The following FHIT variants were observed in gnomAD, a reference collection of about 807,000 sequenced individuals.
FHIT encodes the protein bis(5'-adenosyl)-triphosphatase.
Under a neutral mutation model 17.9 loss-of-function variants are expected in FHIT, and 19 were observed. That is an observed-to-expected ratio of 1.06 (90% CI 0.74 to 1.56). The LOEUF is 1.56. FHIT is among the 40% of genes most tolerant of loss of function. The probability of loss-of-function intolerance (pLI) is 0.00; values close to 1 mark genes in which losing one functional copy is unlikely to be tolerated. For synonymous variants in FHIT, 81 were observed against 69.7 expected (o/e 1.16, Z -0.81); for missense variants, 248 against 189.2 (o/e 1.31, Z -1.82).
chr3:59,972,647 G>A (rs1334252355), intron 7 of FHIT, among the ~76,000 whole-genome samples: 1 of 152,068 alleles, frequency 6.6e-6, no homozygotes, highest in Non-Finnish European at 1.5e-5. Flanking sequence ...CAAGTCCTAT[G>A]AGTTCACAGC....
At chr3:60,045,367 A>T (rs1016730670) in intron 5 of FHIT, among the ~76,000 whole-genome samples, 1 of 152,084 alleles carries the variant, frequency 6.6e-6, no homozygotes, top group Non-Finnish European at 1.5e-5. Context: ...GGAGCAAGTC[A>T]CTTCTTACAT....
chr3:60,652,616 C>T (rs972883677), intron 4 of FHIT, among the ~76,000 whole-genome samples: 2 of 150,562 alleles, frequency 1.3e-5, no homozygotes, highest in Non-Finnish European at 2.9e-5. Flanking sequence ...GTAGTCTCAG[C>T]TACTTGGGAG....
intron 5 of FHIT, among the ~76,000 whole-genome samples, chr3:60,492,361 A>G (rs148763602): frequency 6.6e-6 from 1 of 152,352 alleles, no homozygotes; most frequent in Admixed American, 6.5e-5. Context: ...ATTTAAAATT[A>G]CACTCATCCT....
chr3:59,982,821 T>C (rs1264522571), intron 7 of FHIT, among the ~76,000 whole-genome samples: 2 of 152,152 alleles, frequency 1.3e-5, no homozygotes, highest in Non-Finnish European at 2.9e-5. Context: ...GGAACTGGGA[T>C]TCTGAGACAT....
rs566147282 is a variant in FHIT, at chr3:60,777,059, G to T, written c.-18+44860C>A. ...TGCTCTTTGGCAAAATTTGTAAAGG[G>T]TTATAAAAGGTTTTCGCTTCTTCAA... On this transcript the variant is annotated intron_variant, in intron 4 of 9. Transcript: ENST00000492590. Among the ~76,000 whole-genome samples the T allele has an allele frequency of 3.9e-5, 6 of 152,290 alleles. No individual in the cohort carries two copies. The South Asian group carries it at 6.2e-4, about 16-fold the overall frequency.
intron 4 of FHIT, among the ~76,000 whole-genome samples, chr3:60,636,271 A>G (rs2039582307): frequency 6.6e-6 from 1 of 152,072 alleles, no homozygotes. Flanking sequence ...GGGTTTCACC[A>G]TGTTGGTCAG....
intron 2 of FHIT, among the ~76,000 whole-genome samples, chr3:61,089,377 C>A (rs766029047): frequency 5.3e-5 from 8 of 152,190 alleles, no homozygotes; most frequent in Non-Finnish European, 1.2e-4. Flanking sequence ...ACCCATTAAG[C>A]ATACATTCCC....
At chr3:60,772,265 A>G (rs1553723296) in intron 4 of FHIT, among the ~76,000 whole-genome samples, 2 of 144,318 alleles carry the variant, frequency 1.4e-5, no homozygotes, top group Non-Finnish European at 3.1e-5. Context: ...TCACTGAGAT[A>G]GAAATGAAAC....
intron 7 of FHIT, among the ~76,000 whole-genome samples, chr3:59,992,687 G>T (rs889795308): frequency 1.3e-5 from 2 of 151,934 alleles, no homozygotes; most frequent in Non-Finnish European, 2.9e-5. Context: ...AATTTTCTTG[G>T]TTTCAATAGT....
intron 5 of FHIT, among the ~76,000 whole-genome samples, chr3:60,335,272 A>T (rs925916439): frequency 1.3e-5 from 2 of 152,230 alleles, no homozygotes; most frequent in African/African-American, 4.8e-5. Context: ...AAGTTGCCAC[A>T]ACTTAAAAAA....
intron 4 of FHIT, among the ~76,000 whole-genome samples, chr3:60,786,943 A>G (rs1313260013): frequency 1.3e-5 from 2 of 151,754 alleles, no homozygotes; most frequent in African/African-American, 2.4e-5. Flanking sequence ...GAAAGGGAGG[A>G]AGGCAAATTA....
intron 8 of FHIT, among the ~76,000 whole-genome samples, chr3:59,840,301 T>TA (rs1701485279): frequency 6.6e-6 from 1 of 151,426 alleles, no homozygotes; most frequent in Non-Finnish European, 1.5e-5. Context: ...CAGACACCTA[T>TA]AGGGGCCCTT....
chr3:59,961,916 G>C (rs1322737615), intron 7 of FHIT, among the ~76,000 whole-genome samples: 1 of 29,824 alleles, frequency 3.4e-5, no homozygotes, highest in African/African-American at 5.5e-5. Flanking sequence ...GCTAACTGTG[G>C]GCTTTCCTAA....
At chr3:60,442,202 G>T (rs561135612) in intron 5 of FHIT, among the ~76,000 whole-genome samples, 1 of 151,890 alleles carries the variant, frequency 6.6e-6, no homozygotes, top group African/African-American at 2.4e-5. Context: ...TTTGAAAAGA[G>T]ATGTGATTTC....
At chr3:60,083,187 G>A (rs139380330) in intron 5 of FHIT, among the ~76,000 whole-genome samples, 6 of 152,164 alleles carry the variant, frequency 3.9e-5, no homozygotes, top group African/African-American at 1.4e-4. Flanking sequence ...CATATAGTTA[G>A]CCAGCTATCC....
rs868908516 is a variant in FHIT at position 60,666,168 on chromosome 3, C to T, written c.-17-129189G>A. Among the ~76,000 whole-genome samples the T allele has an allele frequency of 7.9e-5, 12 of 152,182 alleles. No homozygotes were observed. In the South Asian group the frequency reaches 8.3e-4, roughly 11 times the overall value. On this transcript the variant is annotated intron_variant, in intron 4 of 9. Coordinates refer to ENST00000492590, the MANE Select transcript of FHIT (RefSeq NM_002012.4). ...AGAAAAGAACAGTTTATTGTATGTA[C>T]CCACAAATGTCTTTCCAATGTTCTT...
intron 3 of FHIT, among the ~76,000 whole-genome samples, chr3:60,855,400 T>G (rs1406892893): frequency 1.3e-5 from 2 of 152,134 alleles, no homozygotes; most frequent in African/African-American, 2.4e-5. Context: ...TGCCTCTTCT[T>G]TCCTGTTTTA....
At chr3:60,858,528 T>C (rs554973876) in intron 3 of FHIT, among the ~76,000 whole-genome samples, 1 of 152,206 alleles carries the variant, frequency 6.6e-6, no homozygotes, top group Non-Finnish European at 1.5e-5. Flanking sequence ...CACCCCTTCA[T>C]ATTGCTTTGT....
intron 5 of FHIT, among the ~76,000 whole-genome samples, chr3:60,371,003 G>T: frequency 6.6e-6 from 1 of 152,138 alleles, no homozygotes; most frequent in East Asian, 1.9e-4. Flanking sequence ...TTGCTTGGAC[G>T]TGTCATATGG....
Sources: allele counts gnomAD v4.1 joint callset (sites outside exome capture counted in the v4.1 genomes callset), GRCh38; gene constraint gnomAD v4.1.1; transcripts MANE v1.5; gene names NCBI Gene and HGNC (gene_info 2026-07-23, HGNC 2026-07-21).